Variants in ATP2B4 observed in about 807,000 individuals in gnomAD.
ATP2B4 encodes plasma membrane calcium-transporting ATPase 4.
Under a neutral mutation model 110.3 loss-of-function variants are expected in ATP2B4, and 39 were observed. The observed-to-expected ratio is 0.35, with a 90% CI of 0.27 to 0.46. The LOEUF is 0.46. ATP2B4 is among the 20% of genes least tolerant of loss of function. ATP2B4 has a pLI of 1.00. For synonymous variants in ATP2B4, 538 were observed against 571.7 expected (o/e 0.94, Z 0.84); for missense variants, 1,135 against 1,530.9 (o/e 0.74, Z 4.32).
In ATP2B4 at chr1:203,683,086, C is replaced by A; in HGVS notation, c.-120C>A. Reference sequence around the variant, plus strand: ...AAGATATATTCAATCTATTCCCTCACTGGGCCCCCAGAGAAGCAAGAAGTA... The same window carrying A: ...AAGATATATTCAATCTATTCCCTCAATGGGCCCCCAGAGAAGCAAGAAGTA... On this transcript the variant is annotated 5_prime_UTR_variant, in exon 2 of 21. It adds an upstream start codon to the 5' untranslated region. Transcript: ENST00000357681. 2.6e-6 allele frequency: 3 copies of A among 1,148,732 alleles called. No individual in the cohort carries two copies. The highest frequency in any genetic ancestry group is 2.4e-5 in the East Asian group (1 of 42,138). 71.2% of individuals were successfully genotyped at this position (1,148,732 alleles called of 1,614,324 possible). A position where few individuals can be genotyped will look rare whatever the true frequency, so the allele number is the denominator to read the frequency against.
chr1:203,721,134 G>C, intron 16 of ATP2B4, 63 bp from the exon 17 acceptor site: 1 of 1,568,106 alleles, frequency 6.4e-7, no homozygotes, highest in East Asian at 2.3e-5. Context: ...CTGGGCCATC[G>C]ACAGGGCAAA....
intron 2 of ATP2B4, among the ~76,000 whole-genome samples, chr1:203,688,455 C>T (rs1190910664): frequency 1.6e-5 from 2 of 128,136 alleles, no homozygotes; most frequent in East Asian, 2.5e-4. Flanking sequence ...TGCACCACCA[C>T]GCCCAGCTAA....
intron 2 of ATP2B4, among the ~76,000 whole-genome samples, chr1:203,686,517 C>A (rs1321938206): frequency 2.0e-5 from 3 of 151,994 alleles, no homozygotes; most frequent in Non-Finnish European, 4.4e-5. Flanking sequence ...CTCTTGGATC[C>A]TTTCCCAGTC....
intron 1 of ATP2B4, among the ~76,000 whole-genome samples, chr1:203,640,524 CA>C: frequency 6.6e-6 from 1 of 151,988 alleles, no homozygotes. Flanking sequence ...GGGGTTTCGC[CA>C]TGTTGCCCAG....
chr1:203,687,997 T>TG (rs1558034473), intron 2 of ATP2B4, among the ~76,000 whole-genome samples: 10 of 52,960 alleles, frequency 1.9e-4, no homozygotes, highest in South Asian at 1.3e-3. Context: ...AGAAAGAGAT[T>TG]ATTATTATTA....
intron 20 of ATP2B4, chr1:203,733,396 G>A (rs1221692726): frequency 6.2e-7 from 1 of 1,613,060 alleles, no homozygotes; most frequent in Non-Finnish European, 8.5e-7. Context: ...CTCCTCCTAT[G>A]GGCAGTGAGT....
At chr1:203,700,680 C>T (rs1665664436) in intron 5 of ATP2B4, 118 bp from the exon 6 acceptor site, 2 of 1,377,674 alleles carry the variant, frequency 1.5e-6, no homozygotes, top group Non-Finnish European at 1.0e-6. Context: ...CTGTGCTAAG[C>T]ACATCATTAT....
intron 17 of ATP2B4, among the ~76,000 whole-genome samples, chr1:203,721,883 G>T (rs536018646): frequency 6.6e-6 from 1 of 151,740 alleles, no homozygotes; most frequent in Non-Finnish European, 1.5e-5. Context: ...GGCTGGGCTC[G>T]ATCTCCTGAC....
chr1:203,699,795 G>T (rs1665637123), intron 4 of ATP2B4, 78 bp downstream of exon 4: 1 of 1,560,402 alleles, frequency 6.4e-7, no homozygotes, highest in African/African-American at 1.4e-5. Context: ...TGAGGGGGCT[G>T]GGAATTGCTG....
intron 1 of ATP2B4, among the ~76,000 whole-genome samples, chr1:203,628,712 C>A (rs1292738964): frequency 6.6e-6 from 1 of 152,162 alleles, no homozygotes; most frequent in Non-Finnish European, 1.5e-5. Context: ...CCACTCTGAG[C>A]CCTCTACCTG....
chr1:203,691,443 G>A (rs1342136401), intron 2 of ATP2B4, among the ~76,000 whole-genome samples: 3 of 152,186 alleles, frequency 2.0e-5, no homozygotes, highest in Non-Finnish European at 4.4e-5. Context: ...TGGCAGAGTG[G>A]CAGAGCAGAA....
At chr1:203,657,436 T>A (rs1571688908) in intron 1 of ATP2B4, 2 of 781,348 alleles carry the variant, frequency 2.6e-6, no homozygotes, top group East Asian at 4.9e-5. Context: ...TTAATCATAT[T>A]GGAAAGTACT....
At chr1:203,658,697 A>G (rs764423238) in intron 1 of ATP2B4, among the ~76,000 whole-genome samples, 18 of 152,190 alleles carry the variant, frequency 1.2e-4, no homozygotes, top group Admixed American at 2.6e-4. Flanking sequence ...AATCCTCAGT[A>G]ACTATAGTAT....
At chr1:203,723,443 TCTCTCTCTCTCTCTCTCCCTCTGC>T (rs1321843596) in intron 18 of ATP2B4, among the ~76,000 whole-genome samples, 3 of 135,506 alleles carry the variant, frequency 2.2e-5, no homozygotes, top group African/African-American at 5.7e-5. Flanking sequence ...TCTCTCTCTC[TCTCTCTCTCTCTCTCTCCCTCTGC>T]CTCTCTCTCT....
At chr1:203,650,078 C>T (rs1251148383) in intron 1 of ATP2B4, among the ~76,000 whole-genome samples, 1 of 152,220 alleles carries the variant, frequency 6.6e-6, no homozygotes. Context: ...GTGGCTTTCA[C>T]GCACACATCC....
intron 15 of ATP2B4, among the ~76,000 whole-genome samples, chr1:203,718,879 T>TA (rs1293133006): frequency 2.6e-5 from 4 of 152,148 alleles, no homozygotes; most frequent in African/African-American, 9.7e-5. Flanking sequence ...GCAGTTGTGC[T>TA]ACCAAGTGGC....
intron 1 of ATP2B4, among the ~76,000 whole-genome samples, chr1:203,678,866 A>T (rs1664911168): frequency 6.6e-6 from 1 of 152,206 alleles, no homozygotes; most frequent in Non-Finnish European, 1.5e-5. Flanking sequence ...TTGTATCTTC[A>T]TCTGTAAGGT....
intron 2 of ATP2B4, among the ~76,000 whole-genome samples, chr1:203,697,283 C>T (rs1211774370): frequency 6.6e-6 from 1 of 152,074 alleles, no homozygotes; most frequent in African/African-American, 2.4e-5. Flanking sequence ...AGAATTAGGA[C>T]ACATGTGTGG....
chr1:203,673,231 T>C (rs1664727892), intron 1 of ATP2B4, among the ~76,000 whole-genome samples: 1 of 152,212 alleles, frequency 6.6e-6, no homozygotes, highest in Non-Finnish European at 1.5e-5. Context: ...ACCTCCGTTC[T>C]TGTGCACCAG....
Sources: gnomAD v4.1 joint callset for allele counts (sites outside exome capture counted in the v4.1 genomes callset) on GRCh38, gnomAD v4.1.1 for gene constraint, MANE v1.5 for transcripts, NCBI Gene and HGNC (gene_info 2026-07-23, HGNC 2026-07-21) for gene names.